The following GRID2 variants were observed in gnomAD, a reference collection of about 807,000 sequenced individuals.
GRID2 encodes glutamate receptor ionotropic, delta-2.
A neutral mutation model predicts 114.8 loss-of-function variants in GRID2; 33 were observed. That is an observed-to-expected ratio of 0.29 (90% CI 0.22 to 0.38). GRID2 has a LOEUF of 0.38. Ranked by LOEUF, GRID2 falls within the 10% of genes least tolerant of loss-of-function variation. The pLI, the probability that GRID2 is intolerant of heterozygous loss-of-function variation, is 1.00. For synonymous variants in GRID2, 505 were observed against 449.9 expected, an observed-to-expected ratio of 1.12 and a Z score of -1.55; for missense variants, 1,184 against 1,257.7, an observed-to-expected ratio of 0.94 and a Z score of 0.89.
At chr4:93,750,374 T>C (rs2110281096) in intron 14 of GRID2, among the ~76,000 whole-genome samples, 1 of 152,258 alleles carries the variant, frequency 6.6e-6, no homozygotes, top group East Asian at 1.9e-4. Flanking sequence ...TAAATAAGAA[T>C]CTCTGACTTG....
chr4:92,399,140 C>G (rs984917961), intron 1 of GRID2, among the ~76,000 whole-genome samples: 6 of 152,136 alleles, frequency 3.9e-5, no homozygotes, highest in Non-Finnish European at 7.3e-5. Context: ...AAAAAGGACC[C>G]TCGGGGTATG....
intron 2 of GRID2, among the ~76,000 whole-genome samples, chr4:92,651,274 G>T (rs1731917483): frequency 6.6e-6 from 1 of 152,022 alleles, no homozygotes; most frequent in African/African-American, 2.4e-5. Flanking sequence ...ATCACTCTGG[G>T]GAATGGTGCC....
intron 14 of GRID2, among the ~76,000 whole-genome samples, chr4:93,714,939 A>G (rs1728783459): frequency 6.6e-6 from 1 of 152,082 alleles, no homozygotes; most frequent in African/African-American, 2.4e-5. Flanking sequence ...GTTTAATTAG[A>G]TCCCATTTGT....
chr4:92,611,120 GTGTGTGTGTGCA>G (rs993222484), intron 2 of GRID2, among the ~76,000 whole-genome samples: 5 of 141,084 alleles, frequency 3.5e-5, no homozygotes, highest in Admixed American at 7.1e-5. Flanking sequence ...GTGTGTATGT[GTGTGTGTGTGCA>G]TGTGTGTGTG....
At chr4:93,350,801 T>TA (rs1760724025) in intron 8 of GRID2, among the ~76,000 whole-genome samples, 1 of 152,036 alleles carries the variant, frequency 6.6e-6, no homozygotes, top group African/African-American at 2.4e-5. Context: ...ATTGTAACCT[T>TA]AAAAATTATT....
chr4:93,096,235 T>C (rs1005685625), intron 3 of GRID2, among the ~76,000 whole-genome samples: 1 of 152,040 alleles, frequency 6.6e-6, no homozygotes, highest in African/African-American at 2.4e-5. Context: ...TATCACATAC[T>C]AAAACTAAAA....
intron 1 of GRID2, among the ~76,000 whole-genome samples, chr4:92,307,782 C>T (rs1725484071): frequency 6.6e-6 from 1 of 152,064 alleles, no homozygotes; most frequent in Admixed American, 6.6e-5. Flanking sequence ...GATACACAAC[C>T]ATATAGTATT....
intron 2 of GRID2, among the ~76,000 whole-genome samples, chr4:92,652,833 A>G (rs1359484725): frequency 1.4e-5 from 2 of 139,104 alleles, no homozygotes; most frequent in African/African-American, 5.2e-5. Flanking sequence ...AAATATATAT[A>G]AATTTATAAA....
At chr4:92,514,113 C>T (rs1724385256) in intron 1 of GRID2, among the ~76,000 whole-genome samples, 1 of 151,832 alleles carries the variant, frequency 6.6e-6, no homozygotes, top group Non-Finnish European at 1.5e-5. Flanking sequence ...TGTTTCTTTA[C>T]TAAACTGCTT....
At chr4:92,578,271 C>T (rs1728004966) in intron 1 of GRID2, among the ~76,000 whole-genome samples, 1 of 91,600 alleles carries the variant, frequency 1.1e-5, no homozygotes, top group Non-Finnish European at 2.0e-5. Context: ...CTCCCCCCTC[C>T]CCCCACCCCA....
chr4:93,434,913 A>C (rs931313733), intron 10 of GRID2, among the ~76,000 whole-genome samples: 4 of 151,718 alleles, frequency 2.6e-5, no homozygotes, highest in African/African-American at 9.7e-5. Context: ...TGGCCTTTTC[A>C]ATTTCTGTCT....
At chr4:92,931,502 T>C (rs139252587) in intron 2 of GRID2, among the ~76,000 whole-genome samples, 2 of 150,928 alleles carry the variant, frequency 1.3e-5, no homozygotes, top group East Asian at 3.9e-4. Context: ...AAAAAATAAA[T>C]ATGATACATA....
chr4:92,348,288 C>T (rs1727883534), intron 1 of GRID2, among the ~76,000 whole-genome samples: 1 of 152,118 alleles, frequency 6.6e-6, no homozygotes, highest in Non-Finnish European at 1.5e-5. Context: ...TAGGCGAATC[C>T]TTCTAGTTCT....
intron 12 of GRID2, among the ~76,000 whole-genome samples, chr4:93,512,006 C>T (rs562862375): frequency 5.8e-4 from 88 of 151,892 alleles, no homozygotes; most frequent in African/African-American, 2.1e-3. Flanking sequence ...AGGCTGGTCT[C>T]GAACTCCTGA....
chr4:92,688,580 T>C (rs1020106899), intron 2 of GRID2, among the ~76,000 whole-genome samples: 1 of 152,200 alleles, frequency 6.6e-6, no homozygotes, highest in Non-Finnish European at 1.5e-5. Context: ...TCACTGAATG[T>C]AGTGGCAAAA....
chr4:92,383,111 C>G (rs765555723), intron 1 of GRID2, among the ~76,000 whole-genome samples: 23 of 151,976 alleles, frequency 1.5e-4, no homozygotes, highest in Non-Finnish European at 2.8e-4. Flanking sequence ...CAATCACTAT[C>G]TCACTCACTA....
chr4:92,749,857 G>T (rs373364909), intron 2 of GRID2, among the ~76,000 whole-genome samples: 10 of 143,970 alleles, frequency 6.9e-5, no homozygotes, highest in African/African-American at 1.5e-4. Context: ...ACATTTTATT[G>T]ATTGATTGAT....
At chr4:92,815,914 C>CAAAAAAAAAAAAA in intron 2 of GRID2, among the ~76,000 whole-genome samples, 1 of 46,864 alleles carries the variant, frequency 2.1e-5, no homozygotes, top group Non-Finnish European at 3.6e-5. Context: ...GACCCTGTCT[C>CAAAAAAAAAAAAA]AAAAAAAAAA....
chr4:93,156,143 G>A (rs1246287597), intron 4 of GRID2, among the ~76,000 whole-genome samples: 1 of 151,612 alleles, frequency 6.6e-6, no homozygotes, highest in East Asian at 1.9e-4. Flanking sequence ...GATTATGAAT[G>A]AATAAATATG....
Sources: gnomAD v4.1 joint callset for allele counts (sites outside exome capture counted in the v4.1 genomes callset) on GRCh38, gnomAD v4.1.1 for gene constraint, MANE v1.5 for transcripts, NCBI Gene and HGNC (gene_info 2026-07-23, HGNC 2026-07-21) for gene names.